The following PPM1L variants were observed in gnomAD, a reference collection of about 807,000 sequenced individuals.
PPM1L encodes protein phosphatase 1L.
A neutral mutation model predicts 31.4 loss-of-function variants in PPM1L; 13 were observed. The observed-to-expected ratio is 0.41, with a 90% confidence interval of 0.27 to 0.66. PPM1L has a LOEUF of 0.66. Ranked by LOEUF, PPM1L falls within the 30% of genes least tolerant of loss-of-function variation. The probability of loss-of-function intolerance (pLI) is 0.29; values close to 1 mark genes in which losing one functional copy is unlikely to be tolerated. For missense variants in PPM1L, 326 were observed against 453.7 expected (o/e 0.72, Z 2.56); for synonymous variants, 184 against 175.4 (o/e 1.05, Z -0.39).
intron 2 of PPM1L, among the ~76,000 whole-genome samples, chr3:160,973,192 C>T (rs1185382180): frequency 1.3e-5 from 2 of 152,162 alleles, no homozygotes; most frequent in Admixed American, 6.5e-5. Flanking sequence ...CAGGAAGTGC[C>T]ATCTCTAGTG....
intron 1 of PPM1L, among the ~76,000 whole-genome samples, chr3:160,851,538 T>G (rs111591040): frequency 0.021 from 3,161 of 152,336 alleles, 112 homozygotes; most frequent in African/African-American, 0.072. Context: ...AGTTAAATCT[T>G]CGTAGAGAAA....
intron 1 of PPM1L, among the ~76,000 whole-genome samples, chr3:160,895,464 C>T (rs930613778): frequency 1.3e-5 from 2 of 152,152 alleles, no homozygotes; most frequent in African/African-American, 4.8e-5. Context: ...GCAATCCTCC[C>T]ACCTTGGCCT....
At chr3:160,833,001 T>C (rs760714374) in intron 1 of PPM1L, among the ~76,000 whole-genome samples, 4 of 152,192 alleles carry the variant, frequency 2.6e-5, no homozygotes, top group Non-Finnish European at 4.4e-5. Flanking sequence ...CTCCCACTTA[T>C]AAGTGAGAAC....
chr3:160,872,715 A>G (rs919316943), intron 1 of PPM1L, among the ~76,000 whole-genome samples: 1 of 152,146 alleles, frequency 6.6e-6, no homozygotes, highest in Non-Finnish European at 1.5e-5. Flanking sequence ...TCATGAGGTC[A>G]GGAGTTCAAG....
At chr3:161,020,370 C>G (rs931154649) in intron 2 of PPM1L, among the ~76,000 whole-genome samples, 1 of 151,992 alleles carries the variant, frequency 6.6e-6, no homozygotes, top group South Asian at 2.1e-4. Context: ...TAGCAAGAAG[C>G]AAAATAACAG....
At chr3:160,901,763 C>T (rs1314465973) in intron 1 of PPM1L, among the ~76,000 whole-genome samples, 2 of 152,102 alleles carry the variant, frequency 1.3e-5, no homozygotes, top group Admixed American at 6.6e-5. Context: ...ATTTTACATC[C>T]TCATTCTTTT....
chr3:160,927,029 AG>A (rs1333542489), intron 1 of PPM1L, among the ~76,000 whole-genome samples: 3 of 152,218 alleles, frequency 2.0e-5, no homozygotes, highest in African/African-American at 7.2e-5. Flanking sequence ...CAGACTTGTT[AG>A]GTTTTCCACC....
chr3:160,763,584 T>G (rs931906726), intron 1 of PPM1L, among the ~76,000 whole-genome samples: 15 of 151,718 alleles, frequency 9.9e-5, no homozygotes, highest in African/African-American at 3.6e-4. Flanking sequence ...GTGAGGAGAG[T>G]GGGAGATGCT....
intron 1 of PPM1L, among the ~76,000 whole-genome samples, chr3:160,935,308 C>CT (rs1324495370): frequency 6.6e-6 from 1 of 152,168 alleles, no homozygotes; most frequent in African/African-American, 2.4e-5. Context: ...ATCTGTTGCT[C>CT]TTATCTCCAC....
chr3:160,827,186 A>G (rs554453003), intron 1 of PPM1L, among the ~76,000 whole-genome samples: 1 of 152,150 alleles, frequency 6.6e-6, no homozygotes, highest in East Asian at 1.9e-4. Context: ...TTGACCAGAG[A>G]CTAATGTTGC....
At chr3:161,031,424 A>T (rs1718558454) in intron 2 of PPM1L, among the ~76,000 whole-genome samples, 1 of 151,916 alleles carries the variant, frequency 6.6e-6, no homozygotes, top group Non-Finnish European at 1.5e-5. Context: ...TCTGACTCCA[A>T]AGCTTATGTT....
At chr3:161,063,345 G>A (rs1392052516) in intron 2 of PPM1L, among the ~76,000 whole-genome samples, 1 of 151,738 alleles carries the variant, frequency 6.6e-6, no homozygotes, top group East Asian at 1.9e-4. Flanking sequence ...TTTCCCCCAA[G>A]GCCTTTTGTA....
Position 161,073,244 on chromosome 3 carries a change from A to G in PPM1L, c.*4087A>G, listed in dbSNP as rs1364127636. The stretch of plus-strand genomic sequence containing the variant: ...CTGTGAGGAGAGAAAAACACAACAA[A>G]TATCTACTGTCAGTTAGCCCAGTGT... On this transcript the variant is annotated 3_prime_UTR_variant, in exon 4 of 4. Transcript: ENST00000498165. 1 of 152,206 alleles carries G rather than the reference A, an allele frequency of 6.6e-6. No homozygotes were observed. The highest frequency in any genetic ancestry group is 2.4e-5 in the African/African-American group (1 of 41,456). The allele number at this position is 152,206 out of a possible 1,614,324, so 9.4% of individuals were successfully genotyped here.
At chr3:160,912,342 G>A (rs981987559) in intron 1 of PPM1L, among the ~76,000 whole-genome samples, 9 of 152,126 alleles carry the variant, frequency 5.9e-5, no homozygotes, top group African/African-American at 1.9e-4. Flanking sequence ...ATATCTGTTG[G>A]TGTTGCATTT....
At chr3:160,910,295 C>CTTTCCTTTCCCCTTCCCT (rs1560147983) in intron 1 of PPM1L, among the ~76,000 whole-genome samples, 1 of 93,364 alleles carries the variant, frequency 1.1e-5, no homozygotes, top group African/African-American at 4.7e-5. Context: ...TCCCCTTCCC[C>CTTTCCTTTCCCCTTCCCT]GTTCCCTTCC....
intron 1 of PPM1L, among the ~76,000 whole-genome samples, chr3:160,850,164 G>C (rs1714221183): frequency 6.6e-6 from 1 of 152,100 alleles, no homozygotes; most frequent in Non-Finnish European, 1.5e-5. Flanking sequence ...TGCTAGAATG[G>C]TGCACAGAAC....
At chr3:160,909,685 A>G (rs1047036444) in intron 1 of PPM1L, among the ~76,000 whole-genome samples, 1 of 152,236 alleles carries the variant, frequency 6.6e-6, no homozygotes, top group Non-Finnish European at 1.5e-5. Flanking sequence ...GTCCATTTAA[A>G]AAGACTGAGA....
intron 2 of PPM1L, among the ~76,000 whole-genome samples, chr3:161,043,482 G>A (rs1365224491): frequency 6.6e-6 from 1 of 152,136 alleles, no homozygotes; most frequent in East Asian, 1.9e-4. Context: ...TTTCACATGT[G>A]GAAAATATGA....
intron 1 of PPM1L, among the ~76,000 whole-genome samples, chr3:160,956,998 A>C (rs996260917): frequency 6.6e-6 from 1 of 152,242 alleles, no homozygotes; most frequent in African/African-American, 2.4e-5. Flanking sequence ...GAGGAGCTAA[A>C]GTACCTATAC....
Sources: gnomAD v4.1 joint callset for allele counts (sites outside exome capture counted in the v4.1 genomes callset) on GRCh38, gnomAD v4.1.1 for gene constraint, MANE v1.5 for transcripts, NCBI Gene and HGNC (gene_info 2026-07-23, HGNC 2026-07-21) for gene names.